Variants in CREG2 observed in about 807,000 individuals in gnomAD.
The protein encoded by CREG2 is protein CREG2.
CREG2 carries 24 observed loss-of-function variants against 26.2 expected under a neutral mutation model. The ratio of observed to expected loss-of-function variants is 0.92; its 90% CI spans 0.66 to 1.29. CREG2 has a LOEUF of 1.29. Among genes scored for constraint, CREG2 ranks in the 50% most tolerant of loss-of-function variants. The pLI, the probability that CREG2 is intolerant of heterozygous loss-of-function variation, is 0.00. For missense variants in CREG2, 366 were observed against 398.6 expected, an observed-to-expected ratio of 0.92 and a Z score of 0.70; for synonymous variants, 174 against 169.2, an observed-to-expected ratio of 1.03 and a Z score of -0.22.
chr2:101,385,710 C>G (rs1684959016), intron 1 of CREG2, among the ~76,000 whole-genome samples: 1 of 152,150 alleles, frequency 6.6e-6, no homozygotes, highest in South Asian at 2.1e-4. Context: ...GGTGATATAA[C>G]TTTGTTCATA....
chr2:101,382,414 G>T, intron 2 of CREG2: 2 of 853,220 alleles, frequency 2.3e-6, no homozygotes, highest in Non-Finnish European at 2.8e-6. Flanking sequence ...AAACAAGAGC[G>T]AAACTCTATC....
chr2:101,381,684 G>T (rs1161233504), intron 2 of CREG2, among the ~76,000 whole-genome samples: 2 of 152,212 alleles, frequency 1.3e-5, no homozygotes, highest in East Asian at 3.9e-4. Context: ...ACCCATGAGT[G>T]CGTCTCATCC....
chr2:101,381,187 AG>A (rs1684867368), intron 2 of CREG2, among the ~76,000 whole-genome samples: 1 of 152,258 alleles, frequency 6.6e-6, no homozygotes, highest in African/African-American at 2.4e-5. Flanking sequence ...GACAGGCAGG[AG>A]GGGCACCTTG....
chr2:101,363,321 T>C (rs1338413645), intron 2 of CREG2, among the ~76,000 whole-genome samples: 1 of 152,184 alleles, frequency 6.6e-6, no homozygotes, highest in African/African-American at 2.4e-5. Flanking sequence ...GCAGTGCTCT[T>C]GTACTCAAAT....
chr2:101,383,373 TG>T (rs1331514302), intron 2 of CREG2, among the ~76,000 whole-genome samples, 159 bp downstream of exon 2: 5 of 152,228 alleles, frequency 3.3e-5, no homozygotes, highest in Non-Finnish European at 7.3e-5. Context: ...GCACACTGCT[TG>T]GTGAGTGGTG....
At chr2:101,368,304 GAAAAGAA>G (rs1225639870) in intron 2 of CREG2, among the ~76,000 whole-genome samples, 2 of 145,402 alleles carry the variant, frequency 1.4e-5, no homozygotes, top group African/African-American at 2.6e-5. Flanking sequence ...AAAAAAGAGG[GAAAAGAA>G]AAAAGAAAAA....
At chr2:101,366,426 T>C (rs1684619027) in intron 2 of CREG2, among the ~76,000 whole-genome samples, 1 of 152,142 alleles carries the variant, frequency 6.6e-6, no homozygotes, top group Non-Finnish European at 1.5e-5. Context: ...GCCTTGGACA[T>C]ACAGTTGGCC....
intron 3 of CREG2, among the ~76,000 whole-genome samples, chr2:101,351,872 T>A (rs1356448565): frequency 2.0e-5 from 3 of 152,142 alleles, no homozygotes; most frequent in Non-Finnish European, 2.9e-5. Flanking sequence ...AATAGGTTGA[T>A]GATCTTTATT....
At chr2:101,367,980 C>G (rs1203443850) in intron 2 of CREG2, among the ~76,000 whole-genome samples, 5 of 152,158 alleles carry the variant, frequency 3.3e-5, no homozygotes, top group Admixed American at 3.3e-4. Context: ...GACTTCTGCC[C>G]TCTAGACCTT....
intron 2 of CREG2, chr2:101,382,595 G>T: frequency 1.0e-6 from 1 of 985,426 alleles, no homozygotes; most frequent in South Asian, 4.7e-5. Context: ...GTCAGCTGAA[G>T]TGTCTCCATG....
intron 2 of CREG2, among the ~76,000 whole-genome samples, chr2:101,370,149 T>A (rs973820336): frequency 6.6e-6 from 1 of 152,182 alleles, no homozygotes; most frequent in African/African-American, 2.4e-5. Flanking sequence ...TCCTCATCTT[T>A]AAAAAGGTGC....
chr2:101,386,156 A>G (rs1684963745), intron 1 of CREG2, among the ~76,000 whole-genome samples: 3 of 152,256 alleles, frequency 2.0e-5, no homozygotes, highest in Admixed American at 2.0e-4. Context: ...ACCTAATTTT[A>G]TAGACGAGGA....
At position 101,348,219 on chromosome 2, in the gene CREG2, T is replaced by G. The variant is rs907271837; in HGVS notation, c.*2704A>C. ...ATACTGTAGCTACATCATAACTCTA[T>G]ATTAAATAGAATGATTTCTCCTACC... On this transcript the variant is annotated 3_prime_UTR_variant, in exon 4 of 4. Coordinates refer to ENST00000324768, the MANE Select transcript of CREG2 (RefSeq NM_153836.4). 9.2e-5 allele frequency: 14 copies of G among 152,360 alleles called. No homozygotes were observed. Among genetic ancestry groups the G allele is most frequent in the African/African-American group, 3.4e-4 (14 of 41,586 alleles). 9.4% of individuals were successfully genotyped at this position (152,360 alleles called of 1,614,324 possible). A position where few individuals can be genotyped will look rare whatever the true frequency, so the allele number is the denominator to read the frequency against.
Position 101,347,597 on chromosome 2 carries a change from T to C in CREG2, c.*3326A>G, listed in dbSNP as rs896284617. ...GCTGTTGACTGTCTTTTCATGTCTT[T>C]TCATGCGCTTATTTGCCATTTTTAT... On this transcript the variant is annotated 3_prime_UTR_variant, in exon 4 of 4. Coordinates refer to ENST00000324768, the MANE Select transcript of CREG2 (RefSeq NM_153836.4). 7.2e-5 allele frequency: 11 copies of C among 152,222 alleles called. No homozygotes were observed. The highest frequency in any genetic ancestry group is 2.7e-4 in the African/African-American group (11 of 41,460). 9.4% of individuals were successfully genotyped at this position (152,222 alleles called of 1,614,324 possible). A position where few individuals can be genotyped will look rare whatever the true frequency, so the allele number is the denominator to read the frequency against.
intron 2 of CREG2, among the ~76,000 whole-genome samples, chr2:101,378,097 A>C (rs1684817971): frequency 1.3e-5 from 2 of 152,108 alleles, no homozygotes; most frequent in Admixed American, 1.3e-4. Flanking sequence ...GAAAGTCAGC[A>C]CCCTGTAATC....
chr2:101,359,711 T>A (rs1684513276), intron 2 of CREG2, among the ~76,000 whole-genome samples: 2 of 152,214 alleles, frequency 1.3e-5, no homozygotes, highest in East Asian at 1.9e-4. Context: ...GAAGAAATTT[T>A]AAAAATCTCT....
At chr2:101,357,129 C>T (rs1395887446) in intron 2 of CREG2, among the ~76,000 whole-genome samples, 4 of 152,178 alleles carry the variant, frequency 2.6e-5, no homozygotes, top group Non-Finnish European at 4.4e-5. Context: ...CCCTGTGATT[C>T]GCCCGCCTCA....
chr2:101,362,689 G>A (rs1644220043), intron 2 of CREG2, among the ~76,000 whole-genome samples: 1 of 152,178 alleles, frequency 6.6e-6, no homozygotes, highest in South Asian at 2.1e-4. Context: ...GGAGCTGAAG[G>A]ACATGGGCTG....
Position 101,360,019 on chromosome 2 carries a change from T to C in CREG2, c.612-4653A>G, listed in dbSNP as rs1400381200. 2.6e-5 allele frequency among the ~76,000 whole-genome samples: 4 copies of C among 152,262 alleles called. No individual in the cohort carries two copies. In the South Asian group the frequency reaches 8.3e-4, roughly 31 times the overall value. ...GCTGATAATGGAATTGACATTCAAT[T>C]GCAAGCTTATCTTCCCAGGTGCAGA... On this transcript the variant is annotated intron_variant, in intron 2 of 3. Transcript: ENST00000324768.
Sources: allele counts gnomAD v4.1 joint callset (sites outside exome capture counted in the v4.1 genomes callset), GRCh38; gene constraint gnomAD v4.1.1; transcripts MANE v1.5; gene names NCBI Gene and HGNC (gene_info 2026-07-23, HGNC 2026-07-21).